Variants in OSBPL1A observed in about 807,000 individuals in gnomAD.
The protein encoded by OSBPL1A is oxysterol binding protein like 1A.
A neutral mutation model predicts 137.1 loss-of-function variants in OSBPL1A; 80 were observed. The ratio of observed to expected loss-of-function variants is 0.58; its 90% confidence interval spans 0.49 to 0.70. OSBPL1A has a LOEUF of 0.70. Among genes scored for constraint, OSBPL1A ranks in the 30% least tolerant of loss-of-function variants. The probability of loss-of-function intolerance (pLI) is 0.00; values close to 1 mark genes in which losing one functional copy is unlikely to be tolerated. For missense variants in OSBPL1A, 970 were observed against 1,129.4 expected (o/e 0.86, Z 2.02); for synonymous variants, 365 against 389.7 (o/e 0.94, Z 0.75).
chr18:24,359,173 G>A (rs9967492), intron 4 of OSBPL1A, among the ~76,000 whole-genome samples: 33,377 of 151,922 alleles, frequency 0.22, 4,314 homozygotes, highest in East Asian at 0.57. Flanking sequence ...AGCTGAGATT[G>A]CACCACTGTA....
intron 17 of OSBPL1A, among the ~76,000 whole-genome samples, chr18:24,197,360 TAATAA>T (rs1429188999): frequency 1.3e-5 from 2 of 152,052 alleles, no homozygotes; most frequent in Admixed American, 6.6e-5. Flanking sequence ...AACTAAAAAA[TAATAA>T]AATAATAAAA....
chr18:24,165,197 A>G, intron 26 of OSBPL1A, 42 bp from the exon 27 acceptor site: 1 of 1,545,444 alleles, frequency 6.5e-7, no homozygotes, highest in Non-Finnish European at 8.9e-7. Flanking sequence ...CACTCTACAC[A>G]GAGGATGCCA....
intron 2 of OSBPL1A, 115 bp downstream of exon 2, chr18:24,377,298 C>G: frequency 1.5e-6 from 2 of 1,294,140 alleles, no homozygotes; most frequent in Non-Finnish European, 2.1e-6. Context: ...GGGGTTCTTC[C>G]TAGCATGAGA....
chr18:24,311,909 C>T, intron 13 of OSBPL1A, 75 bp downstream of exon 13: 1 of 1,541,378 alleles, frequency 6.5e-7, no homozygotes, highest in Non-Finnish European at 8.9e-7. Flanking sequence ...AACCTTACAT[C>T]TTAAAGAAAA....
chr18:24,208,509 C>T (rs1413944532), intron 17 of OSBPL1A, among the ~76,000 whole-genome samples: 1 of 152,248 alleles, frequency 6.6e-6, no homozygotes, highest in African/African-American at 2.4e-5. Context: ...TAAGGAACCA[C>T]AGAGAATGCA....
intron 13 of OSBPL1A, among the ~76,000 whole-genome samples, chr18:24,310,601 CAAAAAAAAAAAAAAAAG>C (rs2090604238): frequency 1.9e-5 from 1 of 53,028 alleles, no homozygotes; most frequent in Non-Finnish European, 4.2e-5. Flanking sequence ...GACTCCGTCT[CAAAAAAAAAAAAAAAAG>C]AAAAGAAAAA....
At chr18:24,214,133 A>G (rs1422111597) in intron 17 of OSBPL1A, among the ~76,000 whole-genome samples, 5 of 152,196 alleles carry the variant, frequency 3.3e-5, no homozygotes, top group Non-Finnish European at 7.3e-5. Context: ...TTCTTTGCTC[A>G]CCTTTATCTC....
chr18:24,389,824 C>T (rs758283589), intron 1 of OSBPL1A, among the ~76,000 whole-genome samples: 7 of 152,128 alleles, frequency 4.6e-5, no homozygotes, highest in African/African-American at 7.2e-5. Context: ...TGCCTGTAAT[C>T]CCAGCTACTG....
chr18:24,338,088 T>TG (rs1599684885), intron 5 of OSBPL1A, among the ~76,000 whole-genome samples: 1 of 151,548 alleles, frequency 6.6e-6, no homozygotes, highest in African/African-American at 2.4e-5. Flanking sequence ...TCTTTTTTTT[T>TG]TTTTGAGACA....
At chr18:24,244,661 A>G (rs2088826796) in intron 15 of OSBPL1A, among the ~76,000 whole-genome samples, 1 of 152,240 alleles carries the variant, frequency 6.6e-6, no homozygotes, top group African/African-American at 2.4e-5. Context: ...AACCACTTCA[A>G]TATGGCAGTC....
chr18:24,259,390 T>G (rs1382587714), intron 15 of OSBPL1A, among the ~76,000 whole-genome samples: 6 of 152,170 alleles, frequency 3.9e-5, no homozygotes, highest in African/African-American at 1.4e-4. Flanking sequence ...AGCCCCAAGT[T>G]TTACCTTTTG....
chr18:24,331,867 T>C (rs1258504097), intron 7 of OSBPL1A, among the ~76,000 whole-genome samples: 4 of 152,306 alleles, frequency 2.6e-5, no homozygotes, highest in South Asian at 2.1e-4. Flanking sequence ...TCAATATTCA[T>C]TGTAGTTTCT....
chr18:24,284,803 A>G (rs1248248281), intron 14 of OSBPL1A, among the ~76,000 whole-genome samples: 2 of 152,194 alleles, frequency 1.3e-5, no homozygotes, highest in Middle Eastern at 3.2e-3. Context: ...TGAATATTGG[A>G]AACAATAATT....
At chr18:24,347,097 T>C (rs2091359079) in intron 4 of OSBPL1A, among the ~76,000 whole-genome samples, 1 of 152,206 alleles carries the variant, frequency 6.6e-6, no homozygotes, top group South Asian at 2.1e-4. Flanking sequence ...TGTTCCCGTA[T>C]TGATTTTGAA....
At chr18:24,205,342 C>G (rs2087338869) in intron 17 of OSBPL1A, among the ~76,000 whole-genome samples, 1 of 152,112 alleles carries the variant, frequency 6.6e-6, no homozygotes, top group African/African-American at 2.4e-5. Flanking sequence ...ACAATGCATA[C>G]AGAGAGTGTT....
In OSBPL1A at chr18:24,334,234, G is replaced by T; in HGVS notation, c.480+11C>A. 1 of 1,590,382 alleles carries T rather than the reference G, an allele frequency of 6.3e-7. No homozygotes were observed. The highest frequency in any genetic ancestry group is 8.5e-7 in the Non-Finnish European group (1 of 1,173,412). ...GCTTTTTGTCTTTTGGGGGTTTTTTGTTTGTTTTACCAGAGCTGTGAGTTC... is the reference window on the plus strand; with the variant it reads ...GCTTTTTGTCTTTTGGGGGTTTTTTTTTTGTTTTACCAGAGCTGTGAGTTC... On this transcript the variant is annotated intron_variant, in intron 6 of 27. Coordinates refer to ENST00000319481, the MANE Select transcript of OSBPL1A (RefSeq NM_080597.4).
intron 7 of OSBPL1A, 49 bp from the exon 8 acceptor site, chr18:24,318,858 T>C: frequency 4.2e-6 from 6 of 1,421,338 alleles, no homozygotes; most frequent in Non-Finnish European, 5.9e-6. Flanking sequence ...AAATGTACTA[T>C]GACAATCAAT....
intron 16 of OSBPL1A, among the ~76,000 whole-genome samples, chr18:24,233,485 T>C (rs560798386): frequency 2.0e-5 from 3 of 152,220 alleles, no homozygotes; most frequent in Non-Finnish European, 4.4e-5. Flanking sequence ...CATTATTGAA[T>C]AACAATATAT....
chr18:24,173,578 A>C (rs2086350753), intron 21 of OSBPL1A, among the ~76,000 whole-genome samples: 1 of 151,854 alleles, frequency 6.6e-6, no homozygotes, highest in African/African-American at 2.4e-5. Flanking sequence ...ATGCCCGGCT[A>C]ATTTTTGTAT....
Sources: gnomAD v4.1 joint callset for allele counts (sites outside exome capture counted in the v4.1 genomes callset) on GRCh38, gnomAD v4.1.1 for gene constraint, MANE v1.5 for transcripts, NCBI Gene and HGNC (gene_info 2026-07-23, HGNC 2026-07-21) for gene names.